Variants in OGFOD1 observed in about 807,000 individuals in gnomAD.
OGFOD1 encodes 2-oxoglutarate and iron dependent oxygenase domain containing 1.
Under a neutral mutation model 67.7 loss-of-function variants are expected in OGFOD1, and 54 were observed. That is an observed-to-expected ratio of 0.80 (90% CI 0.64 to 1.00). The LOEUF (loss-of-function observed/expected upper bound fraction) is 1.00. Among genes scored for constraint, OGFOD1 ranks in the 50% least tolerant of loss-of-function variants. The pLI, the probability that OGFOD1 is intolerant of heterozygous loss-of-function variation, is 0.00. For synonymous variants in OGFOD1, 221 were observed against 227.0 expected, an observed-to-expected ratio of 0.97 and a Z score of 0.24; for missense variants, 606 against 646.7, an observed-to-expected ratio of 0.94 and a Z score of 0.68.
At chr16:56,457,676 G>C (rs576291351) in intron 2 of OGFOD1, among the ~76,000 whole-genome samples, 1 of 151,510 alleles carries the variant, frequency 6.6e-6, no homozygotes, top group South Asian at 2.1e-4. Context: ...ATGGCTTTAA[G>C]TCACCTATTA....
At chr16:56,465,844 G>A (rs1409433197) in intron 4 of OGFOD1, 6 of 239,176 alleles carry the variant, frequency 2.5e-5, no homozygotes, top group African/African-American at 1.1e-4. Flanking sequence ...AGACACTGTC[G>A]GATGCTATTT....
intron 12 of OGFOD1, among the ~76,000 whole-genome samples, 170 bp from the exon 13 acceptor site, chr16:56,475,874 G>A (rs753076344): frequency 2.6e-5 from 4 of 152,168 alleles, no homozygotes; most frequent in Non-Finnish European, 5.9e-5. Context: ...GCTGGAATAG[G>A]GCTTGTTGGA....
chr16:56,458,227 C>T (rs978771831), intron 2 of OGFOD1: 11 of 278,316 alleles, frequency 4.0e-5, no homozygotes, highest in African/African-American at 2.5e-4. Flanking sequence ...CCCTGGGTTT[C>T]TTTTTTTCCT....
In OGFOD1 at chr16:56,476,292, A is replaced by G. The variant is rs1376908791; in HGVS notation, c.*87A>G. On this transcript the variant is annotated 3_prime_UTR_variant, in exon 13 of 13. Transcript: ENST00000566157. ...GCTAAGCATGGAGTCAAGGAGAACT[A>G]CATGGTAGCTTGCCTGACAGTGTTC... 13 of 1,257,094 alleles carry G rather than the reference A, an allele frequency of 1.0e-5. No homozygotes were observed. Among genetic ancestry groups the G allele is most frequent in the Admixed American group, 2.3e-5 (1 of 43,438 alleles). The allele number at this position is 1,257,094 out of a possible 1,614,324, so 77.9% of individuals were successfully genotyped here.
At position 56,476,171 on chromosome 16, in the gene OGFOD1, G is replaced by A. The variant is rs746814924; in HGVS notation, c.1595G>A (p.Gly532Asp). 10 of 1,612,704 alleles carry A rather than the reference G, an allele frequency of 6.2e-6. 1 individual carries two copies. The highest frequency in any genetic ancestry group is 2.2e-5 in the South Asian group (2 of 90,988). Residue 532 changes from glycine to aspartate, a missense_variant, in exon 13 of 13, where the codon GGT becomes GAT. By Grantham distance (94) the Gly-to-Asp change is moderately conservative (BLOSUM62 -1). Transcript: ENST00000566157. ...AAGAAAACCTTCCCAAACAGAACAG[G>A]TTTCTGGGACTTTTCATTCATCTAT... ...EQKKTFPNRTGFWDFSFIYYE is the reference protein window; with the variant it reads ...EQKKTFPNRTDFWDFSFIYYE
chr16:56,475,373 A>T (rs945244970), intron 11 of OGFOD1, 134 bp from the exon 12 acceptor site: 1 of 814,894 alleles, frequency 1.2e-6, no homozygotes, highest in South Asian at 1.4e-5. Flanking sequence ...GTTCAAGCTC[A>T]TAAGTCATAG....
Position 56,451,669 on chromosome 16 carries a change from G to A in OGFOD1, c.57G>A (p.Lys19=). The change falls in exon 1 of 13, where the codon AAG becomes AAA. Residue 19 remains lysine (K), a synonymous_variant. Coordinates refer to ENST00000566157, the MANE Select transcript of OGFOD1 (RefSeq NM_018233.4). ...CAGCCCGGGTGGGAAAAAAGGGAAA[G>A]AAGGAGGTGATGGCGGAGTTTTCGG... ...PGPARVGKKG[K]KEVMAEFSDA... 6.2e-7 allele frequency: 1 copy of A among 1,614,088 alleles called. No individual in the cohort carries two copies. Among genetic ancestry groups the A allele is most frequent in the Non-Finnish European group, 8.5e-7 (1 of 1,179,986 alleles).
At chr16:56,461,027 A>T (rs1237617748) in intron 3 of OGFOD1, among the ~76,000 whole-genome samples, 4 of 152,210 alleles carry the variant, frequency 2.6e-5, no homozygotes, top group Non-Finnish European at 5.9e-5. Flanking sequence ...GAAGGATTTC[A>T]CTCATTATTA....
chr16:56,476,027 GT>G lies in OGFOD1; in HGVS notation c.1468-16del. The G allele has an allele frequency of 6.2e-7, 1 of 1,603,902 alleles. No individual in the cohort carries two copies. The highest frequency in any genetic ancestry group is 1.7e-4 in the Middle Eastern group (1 of 5,998). On this transcript the variant is annotated splice_polypyrimidine_tract_variant and intron_variant, in intron 12 of 12. Transcript: ENST00000566157. ...AAGTTCTGTGTTCTGATGTGTCACT[GT>G]ATTTGTCTTTTTCAGCTGCTAACAG...
chr16:56,460,375 C>T (rs1242712536), intron 3 of OGFOD1, among the ~76,000 whole-genome samples: 1 of 152,228 alleles, frequency 6.6e-6, no homozygotes, highest in African/African-American at 2.4e-5. Flanking sequence ...GTGACACTTT[C>T]ATAGAATGAA....
intron 12 of OGFOD1, among the ~76,000 whole-genome samples, chr16:56,475,799 A>T (rs79204166): frequency 6.6e-6 from 1 of 152,242 alleles, no homozygotes. Context: ...CATGTGGTGC[A>T]TTCCCACAAA....
At chr16:56,468,568 TAAC>T (rs1224967739) in intron 8 of OGFOD1, among the ~76,000 whole-genome samples, 3 of 151,382 alleles carry the variant, frequency 2.0e-5, no homozygotes, top group Non-Finnish European at 4.4e-5. Flanking sequence ...CTAGAAAAAA[TAAC>T]AAAAATTAGC....
At position 56,476,844 on chromosome 16, in the gene OGFOD1, AT is replaced by A. The variant is rs1963501528; in HGVS notation, c.*641del. Reference sequence around the variant, plus strand: ...GTTTTTTTAGAAAAACTCATACGTGATTGCAGCCGGGCATGGTGGCTCACGC... The same window carrying A: ...GTTTTTTTAGAAAAACTCATACGTGATGCAGCCGGGCATGGTGGCTCACGC... On this transcript the variant is annotated 3_prime_UTR_variant, in exon 13 of 13. Transcript: ENST00000566157. The A allele has an allele frequency of 6.6e-6, 1 of 152,296 alleles. No individual in the cohort carries two copies. The highest frequency in any genetic ancestry group is 6.6e-5 in the Admixed American group (1 of 15,266). The allele number at this position is 152,296 out of a possible 1,614,324, so 9.4% of individuals were successfully genotyped here.
intron 3 of OGFOD1, chr16:56,458,804 C>T (rs1355076217): frequency 1.9e-6 from 1 of 525,016 alleles, no homozygotes; most frequent in Non-Finnish European, 3.4e-6. Flanking sequence ...ATTCCAAGGC[C>T]CAAGTTCTCA....
chr16:56,471,337 G>A (rs1216487712), intron 10 of OGFOD1, among the ~76,000 whole-genome samples: 1 of 151,202 alleles, frequency 6.6e-6, no homozygotes, highest in Non-Finnish European at 1.5e-5. Flanking sequence ...ACTCCAGCCT[G>A]GGCAACAGAG....
rs780513855 is a variant in OGFOD1, at chr16:56,467,244, C to T, written c.737C>T (p.Pro246Leu). 3 of 1,614,102 alleles carry T rather than the reference C, an allele frequency of 1.9e-6. No individual in the cohort carries two copies. The South Asian group carries it at 3.3e-5, about 18-fold the overall frequency. ...CATGGTCCATCATTGACTCGGCCTCCCAACTACTTTGAACCCCCCATACCT... is the reference window on the plus strand; with the variant it reads ...CATGGTCCATCATTGACTCGGCCTCTCAACTACTTTGAACCCCCCATACCT... ...WFHGPSLTRP[P>L]NYFEPPIPRS... The change falls in exon 7 of 13, where the codon CCC becomes CTC. Residue 246 changes from proline to leucine, a missense_variant. Transcript: ENST00000566157.
At chr16:56,472,954 CAG>C (rs1388790698) in intron 10 of OGFOD1, among the ~76,000 whole-genome samples, 4 of 147,412 alleles carry the variant, frequency 2.7e-5, no homozygotes, top group Admixed American at 6.8e-5. Flanking sequence ...GGTTTGGAGA[CAG>C]AGTCTCGCTC....
At chr16:56,463,481 G>C (rs962886640) in intron 4 of OGFOD1, among the ~76,000 whole-genome samples, 5 of 144,626 alleles carry the variant, frequency 3.5e-5, no homozygotes, top group South Asian at 4.4e-4. Flanking sequence ...GGAATGCAGT[G>C]GCGTGATCTC....
intron 4 of OGFOD1, among the ~76,000 whole-genome samples, chr16:56,463,612 G>A (rs1567548746): frequency 6.6e-6 from 1 of 151,370 alleles, no homozygotes; most frequent in Admixed American, 6.6e-5. Flanking sequence ...TAGTAGAGAT[G>A]GAGTTTCACC....
Sources: allele counts gnomAD v4.1 joint callset (sites outside exome capture counted in the v4.1 genomes callset), GRCh38; gene constraint gnomAD v4.1.1; transcripts MANE v1.5; gene names NCBI Gene and HGNC (gene_info 2026-07-23, HGNC 2026-07-21).